WWOX: variants seen among roughly 807,000 people sequenced by gnomAD.
The protein encoded by WWOX is WW domain containing oxidoreductase.
In WWOX, 69 loss-of-function variants were observed where a neutral mutation model predicts 46.2. That is an observed-to-expected ratio of 1.49 (90% confidence interval 1.23 to 1.82). The LOEUF (loss-of-function observed/expected upper bound fraction) is 1.82. Ranked by LOEUF, WWOX falls within the 40% of genes most tolerant of loss-of-function variation. The pLI, the probability that WWOX is intolerant of heterozygous loss-of-function variation, is 0.00. For missense variants in WWOX, 919 were observed against 542.6 expected, an observed-to-expected ratio of 1.69 and a Z score of -6.89; for synonymous variants, 359 against 202.6, an observed-to-expected ratio of 1.77 and a Z score of -6.56.
chr16:78,312,381 C>CTTTTTTTTTTTTTT (rs561304972), intron 5 of WWOX, among the ~76,000 whole-genome samples: 6 of 132,842 alleles, frequency 4.5e-5, no homozygotes, highest in Non-Finnish European at 3.1e-5. Flanking sequence ...AGGTCTAATT[C>CTTTTTTTTTTTTTT]TTTTTTTTTT....
intron 5 of WWOX, among the ~76,000 whole-genome samples, chr16:78,320,303 T>G (rs2080440508): frequency 6.6e-6 from 1 of 152,156 alleles, no homozygotes; most frequent in African/African-American, 2.4e-5. Context: ...CTCAACAGAC[T>G]TTTGTTTTTT....
At position 79,152,870 on chromosome 16, in the gene WWOX, G is replaced by A. The variant is rs886374792; in HGVS notation, c.1057-58738G>A. On this transcript the variant is annotated intron_variant, in intron 8 of 8. Coordinates refer to ENST00000566780, the MANE Select transcript of WWOX (RefSeq NM_016373.4). ...GAGCTCACTCCCTGGGAGATAGAACGGAGTACCCAGTTGCACTGAGGGAAG... is the reference window on the plus strand; with the variant it reads ...GAGCTCACTCCCTGGGAGATAGAACAGAGTACCCAGTTGCACTGAGGGAAG... Among the ~76,000 whole-genome samples, 3 of 152,136 alleles carry A rather than the reference G, an allele frequency of 2.0e-5. No homozygotes were observed. In the East Asian group the frequency reaches 5.8e-4, roughly 29 times the overall value.
chr16:79,072,762 C>A (rs549322744), intron 8 of WWOX, among the ~76,000 whole-genome samples: 1 of 152,302 alleles, frequency 6.6e-6, no homozygotes, highest in East Asian at 1.9e-4. Flanking sequence ...TTCAACTTTG[C>A]CTGTATATTT....
intron 8 of WWOX, among the ~76,000 whole-genome samples, chr16:78,999,345 C>G (rs13313538): frequency 8.5e-5 from 13 of 152,122 alleles, no homozygotes; most frequent in African/African-American, 3.1e-4. Context: ...TGGCACATGC[C>G]TGTAATCCCA....
At chr16:79,191,226 T>G (rs1016467920) in intron 8 of WWOX, among the ~76,000 whole-genome samples, 1 of 151,996 alleles carries the variant, frequency 6.6e-6, no homozygotes, top group African/African-American at 2.4e-5. Context: ...GCTAATTTTT[T>G]TTGTATTTTA....
chr16:79,106,697 C>G (rs190150851), intron 8 of WWOX: 1 of 142,418 alleles, frequency 7.0e-6, no homozygotes, highest in Admixed American at 7.6e-5. Context: ...AACTCTTGGG[C>G]TCAAGCAACT....
intron 8 of WWOX, among the ~76,000 whole-genome samples, chr16:78,725,097 C>A (rs2048793413): frequency 1.3e-5 from 2 of 151,922 alleles, no homozygotes; most frequent in African/African-American, 2.4e-5. Flanking sequence ...GGTGGTTCCC[C>A]CATACTGTTC....
intron 8 of WWOX, among the ~76,000 whole-genome samples, chr16:78,546,652 T>G (rs550492711): frequency 1.3e-5 from 2 of 152,362 alleles, no homozygotes; most frequent in East Asian, 3.9e-4. Context: ...CTAAAGATTC[T>G]GAGTTAGTAC....
At chr16:79,159,786 C>G (rs1375388365) in intron 8 of WWOX, among the ~76,000 whole-genome samples, 2 of 152,310 alleles carry the variant, frequency 1.3e-5, no homozygotes, top group South Asian at 2.1e-4. Context: ...TGCGAATTCT[C>G]CTCATGCTAG....
chr16:78,665,406 A>G (rs116271025), intron 8 of WWOX, among the ~76,000 whole-genome samples: 2,855 of 152,292 alleles, frequency 0.019, 78 homozygotes, highest in African/African-American at 0.065. Flanking sequence ...GTTACTGAAT[A>G]TAACTATTGA....
At chr16:79,152,225 A>C (rs1300542213) in intron 8 of WWOX, among the ~76,000 whole-genome samples, 2 of 152,178 alleles carry the variant, frequency 1.3e-5, no homozygotes, top group African/African-American at 2.4e-5. Context: ...TCGCTGACCC[A>C]TGCTGGCAGA....
intron 8 of WWOX, among the ~76,000 whole-genome samples, chr16:78,875,121 C>T (rs375763279): frequency 1.3e-4 from 20 of 152,126 alleles, no homozygotes; most frequent in African/African-American, 3.6e-4. Context: ...AAGAGGGTCT[C>T]GGGCTGACTC....
intron 8 of WWOX, among the ~76,000 whole-genome samples, chr16:78,618,299 C>T (rs1055136923): frequency 7.2e-5 from 11 of 152,210 alleles, no homozygotes; most frequent in Non-Finnish European, 1.0e-4. Flanking sequence ...TGTAGAAATA[C>T]CACAGGTCAG....
intron 6 of WWOX, among the ~76,000 whole-genome samples, chr16:78,389,398 A>G (rs1433810408): frequency 1.3e-5 from 2 of 152,158 alleles, no homozygotes; most frequent in East Asian, 3.8e-4. Context: ...ACCGCACACA[A>G]GCTGTCACCT....
At chr16:78,353,960 C>A (rs1337937572) in intron 5 of WWOX, among the ~76,000 whole-genome samples, 1 of 151,648 alleles carries the variant, frequency 6.6e-6, no homozygotes, top group African/African-American at 2.4e-5. Flanking sequence ...TTGTTCACCT[C>A]CATCGCTTTC....
intron 8 of WWOX, among the ~76,000 whole-genome samples, chr16:78,763,083 T>G (rs1368377797): frequency 1.3e-5 from 2 of 152,184 alleles, no homozygotes; most frequent in Non-Finnish European, 2.9e-5. Context: ...AGATTTTTCC[T>G]GAGCACCTAC....
At chr16:78,705,918 T>G (rs1283678055) in intron 8 of WWOX, among the ~76,000 whole-genome samples, 2 of 152,186 alleles carry the variant, frequency 1.3e-5, no homozygotes, top group Non-Finnish European at 2.9e-5. Context: ...AAGCATCTGT[T>G]TATTTACACA....
chr16:78,822,325 C>G (rs1383762292), intron 8 of WWOX, among the ~76,000 whole-genome samples: 1 of 152,060 alleles, frequency 6.6e-6, no homozygotes, highest in Admixed American at 6.5e-5. Context: ...GAAACGCCAT[C>G]TCTACTAAAA....
chr16:78,553,734 G>T (rs1281853588), intron 8 of WWOX, among the ~76,000 whole-genome samples: 1 of 152,084 alleles, frequency 6.6e-6, no homozygotes, highest in Admixed American at 6.5e-5. Flanking sequence ...GCCTGGGAGA[G>T]ACAGCAGGGT....
Sources: allele counts gnomAD v4.1 joint callset (sites outside exome capture counted in the v4.1 genomes callset), GRCh38; gene constraint gnomAD v4.1.1; transcripts MANE v1.5; gene names NCBI Gene and HGNC (gene_info 2026-07-23, HGNC 2026-07-21).